EIF5A2: variants seen among roughly 807,000 people sequenced by gnomAD.
EIF5A2 encodes the protein eukaryotic translation initiation factor 5A-2.
A neutral mutation model predicts 16.4 loss-of-function variants in EIF5A2; 15 were observed. The observed-to-expected ratio is 0.92, with a 90% CI of 0.61 to 1.41. The LOEUF is 1.41. Among genes scored for constraint, EIF5A2 ranks in the 40% most tolerant of loss-of-function variants. The probability of loss-of-function intolerance (pLI) is 0.00; values close to 1 mark genes in which losing one functional copy is unlikely to be tolerated. For synonymous variants in EIF5A2, 48 were observed against 61.1 expected (o/e 0.79, Z 1.00); for missense variants, 144 against 189.5 (o/e 0.76, Z 1.41).
At chr3:170,903,162 G>A (rs1266625829) in intron 3 of EIF5A2, among the ~76,000 whole-genome samples, 2 of 152,148 alleles carry the variant, frequency 1.3e-5, no homozygotes, top group African/African-American at 4.8e-5. Context: ...GTTTTACTCT[G>A]CATATGGATT....
chr3:170,907,624 A>G lies in EIF5A2; in HGVS notation c.165+18T>C. 1.3e-6 allele frequency: 2 copies of G among 1,568,498 alleles called. No individual in the cohort carries two copies. Among genetic ancestry groups the G allele is most frequent in the Non-Finnish European group, 1.7e-6 (2 of 1,146,820 alleles). On this transcript the variant is annotated intron_variant, in intron 2 of 4. Transcript: ENST00000295822. Reference sequence around the variant, plus strand: ...GTCCCAACGCCGAAGCCAAAGCCTGATCTGCAAGGGTACTTACCTTGGCAT... The same window carrying G: ...GTCCCAACGCCGAAGCCAAAGCCTGGTCTGCAAGGGTACTTACCTTGGCAT...
intron 3 of EIF5A2, among the ~76,000 whole-genome samples, chr3:170,906,423 A>G (rs1712937655): frequency 6.6e-6 from 1 of 152,194 alleles, no homozygotes. Flanking sequence ...GTCACTAAGT[A>G]TAATTTAACC....
intron 3 of EIF5A2, among the ~76,000 whole-genome samples, chr3:170,897,978 A>G (rs1712715074): frequency 6.6e-6 from 1 of 152,218 alleles, no homozygotes; most frequent in South Asian, 2.1e-4. Flanking sequence ...GATGTAAGAC[A>G]TGGAGGCAAA....
intron 3 of EIF5A2, among the ~76,000 whole-genome samples, chr3:170,897,832 G>A (rs1392335754): frequency 4.6e-5 from 7 of 152,120 alleles, no homozygotes; most frequent in African/African-American, 1.7e-4. Flanking sequence ...CCAGAATGGT[G>A]TACCATGTGC....
chr3:170,902,076 G>A (rs1341563644), intron 3 of EIF5A2, among the ~76,000 whole-genome samples: 8 of 152,166 alleles, frequency 5.3e-5, no homozygotes, highest in Non-Finnish European at 8.8e-5. Flanking sequence ...GCATATATGA[G>A]ATCAGCTTGA....
chr3:170,906,960 G>C, intron 3 of EIF5A2, 29 bp downstream of exon 3: 1 of 1,463,912 alleles, frequency 6.8e-7, no homozygotes, highest in South Asian at 1.2e-5. Context: ...GAAGAAACAA[G>C]CAACATTCTA....
chr3:170,898,537 C>G (rs1712728962), intron 3 of EIF5A2, among the ~76,000 whole-genome samples: 1 of 152,146 alleles, frequency 6.6e-6, no homozygotes. Flanking sequence ...CCATATAAAA[C>G]ATGCCTTGCT....
intron 3 of EIF5A2, among the ~76,000 whole-genome samples, chr3:170,900,839 T>C (rs1308473408): frequency 2.0e-5 from 3 of 152,352 alleles, no homozygotes; most frequent in Non-Finnish European, 4.4e-5. Flanking sequence ...AGTTTCTTTT[T>C]ATAGAAGTAT....
chr3:170,899,733 GA>G (rs56115629), intron 3 of EIF5A2, among the ~76,000 whole-genome samples: 19,538 of 143,132 alleles, frequency 0.14, 1,682 homozygotes, highest in African/African-American at 0.26. Context: ...CAAGCTTTAA[GA>G]AAAAAAAAAA....
Position 170,891,674 on chromosome 3 carries a change from A to G in EIF5A2, c.*1686T>C, listed in dbSNP as rs1215435686. The G allele has an allele frequency of 1.3e-5, 2 of 152,614 alleles. No individual in the cohort carries two copies. Among genetic ancestry groups the G allele is most frequent in the Non-Finnish European group, 2.9e-5 (2 of 68,030 alleles). The allele number at this position is 152,614 out of a possible 1,614,324, so 9.5% of individuals were successfully genotyped here. Reference sequence around the variant, plus strand: ...GGTCAAGGCATGATGGGAGAGGTCTAAGAGCCAGTCTTAGAGAATTAAGGT... The same window carrying G: ...GGTCAAGGCATGATGGGAGAGGTCTGAGAGCCAGTCTTAGAGAATTAAGGT... On this transcript the variant is annotated 3_prime_UTR_variant, in exon 5 of 5. Coordinates refer to ENST00000295822, the MANE Select transcript of EIF5A2 (RefSeq NM_020390.6).
chr3:170,893,174 A>G lies in EIF5A2; in HGVS notation c.*186T>C. Reference sequence around the variant, plus strand: ...AACATATCTACAAAATTCAAAAAAAATTATACATATTGATAATTTTTTAAA... The same window carrying G: ...AACATATCTACAAAATTCAAAAAAAGTTATACATATTGATAATTTTTTAAA... On this transcript the variant is annotated 3_prime_UTR_variant, in exon 5 of 5. Coordinates refer to ENST00000295822, the MANE Select transcript of EIF5A2 (RefSeq NM_020390.6). The G allele has an allele frequency of 2.1e-6, 1 of 481,448 alleles. No individual in the cohort carries two copies. 29.8% of individuals were successfully genotyped at this position (481,448 alleles called of 1,614,324 possible).
At chr3:170,906,963 A>G in intron 3 of EIF5A2, 26 bp downstream of exon 3, 1 of 1,485,620 alleles carries the variant, frequency 6.7e-7, no homozygotes, top group Non-Finnish European at 9.3e-7. Flanking sequence ...GAAACAAGCA[A>G]CATTCTAAAG....
chr3:170,907,600 T>C, intron 2 of EIF5A2, 42 bp downstream of exon 2: 1 of 1,516,404 alleles, frequency 6.6e-7, no homozygotes, highest in Non-Finnish European at 8.9e-7. Context: ...ATGATCAAAG[T>C]CCCAACGCCG....
Position 170,907,977 on chromosome 3 carries a change from G to A in EIF5A2, c.-35-136C>T, listed in dbSNP as rs1282015226. ...AAGGAACACCCACCCTAGACTAGTGGCCACTTTCTAACTCTGGCCTCTACA... is the reference window on the plus strand; with the variant it reads ...AAGGAACACCCACCCTAGACTAGTGACCACTTTCTAACTCTGGCCTCTACA... On this transcript the variant is annotated intron_variant, in intron 1 of 4. Transcript: ENST00000295822. 6 of 578,106 alleles carry A rather than the reference G, an allele frequency of 1.0e-5. No individual in the cohort carries two copies. In the East Asian group the frequency reaches 1.9e-4, roughly 19 times the overall value. The allele number at this position is 578,106 out of a possible 1,614,324, so 35.8% of individuals were successfully genotyped here. A position where few individuals can be genotyped will look rare whatever the true frequency, so the allele number is the denominator to read the frequency against.
At position 170,907,764 on chromosome 3, in the gene EIF5A2, A is replaced by T; in HGVS notation, c.43T>A (p.Ser15Thr). Residue 15 changes from serine (S) to threonine (T), a missense_variant, in exon 2 of 5, where the codon TCC becomes ACC. Transcript: ENST00000295822. ...GAGCACTGCATAGGGTAAGTGCTGG[A>T]AGCCCCGGCATCTCCAGTAGTGAAA... The part of the protein sequence containing the change: ...IDFTTGDAGA[S>T]STYPMQCSAL... 6.3e-7 allele frequency: 1 copy of T among 1,584,140 alleles called. No homozygotes were observed. Among genetic ancestry groups the T allele is most frequent in the Non-Finnish European group, 8.6e-7 (1 of 1,157,064 alleles).
At chr3:170,901,062 T>G (rs1161377376) in intron 3 of EIF5A2, among the ~76,000 whole-genome samples, 2 of 152,150 alleles carry the variant, frequency 1.3e-5, no homozygotes, top group African/African-American at 4.8e-5. Context: ...TGATTAAGAC[T>G]CTATATCTTA....
rs75984470 is a variant in EIF5A2, at chr3:170,895,203, T to A, written c.271-780A>T. ...TTAACCAATTTCACATTACTGGGCATAAAAGTTATTTTTGCTATTACAAAC... is the reference window on the plus strand; with the variant it reads ...TTAACCAATTTCACATTACTGGGCAAAAAAGTTATTTTTGCTATTACAAAC... On this transcript the variant is annotated intron_variant, in intron 3 of 4. Coordinates refer to ENST00000295822, the MANE Select transcript of EIF5A2 (RefSeq NM_020390.6). Among the ~76,000 whole-genome samples, 419 of 152,198 alleles carry A rather than the reference T, an allele frequency of 2.8e-3. 1 individual carries two copies. Among genetic ancestry groups the A allele is most frequent in the African/African-American group, 9.6e-3 (397 of 41,528 alleles).
At chr3:170,893,946 G>A (rs1467628291) in intron 4 of EIF5A2, among the ~76,000 whole-genome samples, 1 of 151,748 alleles carries the variant, frequency 6.6e-6, no homozygotes, top group Admixed American at 6.6e-5. Flanking sequence ...GGGGAGAATC[G>A]CTTGAACCTG....
chr3:170,900,366 CAAAAAAAAAAAA>C (rs1168908597), intron 3 of EIF5A2, among the ~76,000 whole-genome samples: 2 of 64,146 alleles, frequency 3.1e-5, no homozygotes, highest in East Asian at 4.2e-4. Flanking sequence ...GACTCCATCT[CAAAAAAAAAAAA>C]AAAAAAAAAA....
Sources: allele counts gnomAD v4.1 joint callset (sites outside exome capture counted in the v4.1 genomes callset), GRCh38; gene constraint gnomAD v4.1.1; transcripts MANE v1.5; gene names NCBI Gene and HGNC (gene_info 2026-07-23, HGNC 2026-07-21).